ANK3: variants seen among roughly 807,000 people sequenced by gnomAD.
The protein encoded by ANK3 is ankyrin 3, also known as ankyrin-3.
Under a neutral mutation model 370.9 loss-of-function variants are expected in ANK3, and 57 were observed. The ratio of observed to expected loss-of-function variants is 0.15; its 90% CI spans 0.12 to 0.19. The LOEUF (loss-of-function observed/expected upper bound fraction) is 0.19. ANK3 is among the 10% of genes least tolerant of loss of function. The pLI, the probability that ANK3 is intolerant of heterozygous loss-of-function variation, is 1.00. For synonymous variants in ANK3, 1,929 were observed against 1,946.3 expected (o/e 0.99, Z 0.23); for missense variants, 4,439 against 5,302.1 (o/e 0.84, Z 5.06).
chr10:60,627,093 A>G (rs1172491527), intron 1 of ANK3, among the ~76,000 whole-genome samples: 2 of 152,208 alleles, frequency 1.3e-5, no homozygotes, highest in Non-Finnish European at 2.9e-5. Context: ...GTGAATAAAA[A>G]ATAGTAAAAG....
intron 20 of ANK3, 96 bp from the exon 21 acceptor site, chr10:60,172,499 T>C (rs1488897679): frequency 5.4e-6 from 5 of 922,848 alleles, no homozygotes; most frequent in Non-Finnish European, 8.6e-6. Flanking sequence ...ATCAGACCCA[T>C]CCCACTGTCA....
At chr10:60,550,683 T>G (rs1184198977) in intron 2 of ANK3, among the ~76,000 whole-genome samples, 1 of 152,100 alleles carries the variant, frequency 6.6e-6, no homozygotes, top group Non-Finnish European at 1.5e-5. Flanking sequence ...ACTTTACAAT[T>G]ATGCATCTGC....
At chr10:60,045,285 C>G (rs1046690800) in intron 42 of ANK3, among the ~76,000 whole-genome samples, 27 of 152,136 alleles carry the variant, frequency 1.8e-4, no homozygotes, top group African/African-American at 6.5e-4. Flanking sequence ...GATTTGTTAT[C>G]TAATTTTGGA....
intron 1 of ANK3, chr10:60,733,178 C>T: frequency 3.4e-6 from 4 of 1,188,694 alleles, no homozygotes; most frequent in Non-Finnish European, 4.2e-6. Context: ...CCTGGGGCCC[C>T]CCGGCCCGGG....
intron 42 of ANK3, chr10:60,044,920 T>C (rs914154373): frequency 1.3e-5 from 2 of 152,228 alleles, no homozygotes; most frequent in Non-Finnish European, 2.9e-5. Context: ...TTCATAGCTC[T>C]TAAGTGAGAA....
chr10:60,109,080 T>G, intron 26 of ANK3, 26 bp from the exon 27 acceptor site: 1 of 1,582,258 alleles, frequency 6.3e-7, no homozygotes, highest in East Asian at 2.2e-5. Flanking sequence ...CAGAGGCCAA[T>G]TCAAGGACGG....
At chr10:60,108,372 G>T (rs1453926696) in intron 27 of ANK3, 7 of 242,092 alleles carry the variant, frequency 2.9e-5, no homozygotes, top group African/African-American at 1.4e-4. Context: ...TGCCTGATTT[G>T]TACCCAAGTG....
At chr10:60,063,867 A>C (rs2081106969) in intron 39 of ANK3, among the ~76,000 whole-genome samples, 1 of 152,180 alleles carries the variant, frequency 6.6e-6, no homozygotes, top group Non-Finnish European at 1.5e-5. Flanking sequence ...TTAACAACTA[A>C]AATTATGTTT....
intron 1 of ANK3, among the ~76,000 whole-genome samples, chr10:60,701,288 A>G (rs2079542697): frequency 6.6e-6 from 1 of 152,180 alleles, no homozygotes; most frequent in Non-Finnish European, 1.5e-5. Flanking sequence ...TATGTGGTCG[A>G]GAATATAAAA....
intron 2 of ANK3, among the ~76,000 whole-genome samples, chr10:60,552,080 A>T (rs1216856573): frequency 6.6e-6 from 1 of 152,214 alleles, no homozygotes; most frequent in Non-Finnish European, 1.5e-5. Flanking sequence ...AAGCCTGCAC[A>T]CATGAGAGCA....
chr10:60,131,433 G>T (rs1170706284), intron 25 of ANK3, among the ~76,000 whole-genome samples: 1 of 152,154 alleles, frequency 6.6e-6, no homozygotes, highest in East Asian at 1.9e-4. Flanking sequence ...AGTTTATTTT[G>T]AAAGATTTTC....
chr10:60,403,614 G>A (rs547832003), intron 2 of ANK3, among the ~76,000 whole-genome samples: 4 of 152,214 alleles, frequency 2.6e-5, no homozygotes, highest in Admixed American at 6.5e-5. Context: ...TTGAGATGGA[G>A]TCTTGCTCTG....
At position 60,419,494 on chromosome 10, in the gene ANK3, A is replaced by G. The variant is rs59911731; in HGVS notation, c.97-139855T>C. On this transcript the variant is annotated intron_variant, in intron 2 of 43. Transcript: ENST00000373827. ...CACCTGGCCTCCTGGGCTGGCAGAA[A>G]AACTCCATGCACCACAGTTCTTAAG... 1.1e-3 allele frequency among the ~76,000 whole-genome samples: 161 copies of G among 152,250 alleles called. 1 individual carries two copies. The highest frequency in any genetic ancestry group is 3.9e-3 in the African/African-American group (160 of 41,552).
At chr10:60,367,267 A>T (rs1566877329) in intron 1 of ANK3, among the ~76,000 whole-genome samples, 1 of 152,226 alleles carries the variant, frequency 6.6e-6, no homozygotes, top group Non-Finnish European at 1.5e-5. Flanking sequence ...TGCTCCTAAA[A>T]GAGTTTGTTT....
At chr10:60,632,914 C>A (rs2078504314) in intron 1 of ANK3, among the ~76,000 whole-genome samples, 2 of 18,272 alleles carry the variant, frequency 1.1e-4, no homozygotes, top group Admixed American at 1.5e-3. Context: ...AAAAAAAAAA[C>A]CATACTTATT....
intron 1 of ANK3, among the ~76,000 whole-genome samples, chr10:60,643,939 A>G (rs2078672141): frequency 1.3e-5 from 2 of 152,178 alleles, no homozygotes; most frequent in African/African-American, 2.4e-5. Context: ...AGAAACATAA[A>G]TGTGACAGTG....
At chr10:60,685,661 G>A (rs1340491364) in intron 1 of ANK3, among the ~76,000 whole-genome samples, 1 of 152,164 alleles carries the variant, frequency 6.6e-6, no homozygotes, top group Admixed American at 6.5e-5. Flanking sequence ...ATTTGTAATT[G>A]AAAATGGGAA....
chr10:60,239,129 G>C (rs919079588), intron 7 of ANK3, among the ~76,000 whole-genome samples: 1 of 152,032 alleles, frequency 6.6e-6, no homozygotes, highest in Non-Finnish European at 1.5e-5. Flanking sequence ...GGAAAAGAAA[G>C]AACAGAGCCT....
In ANK3 at chr10:60,234,699, C is replaced by G; in HGVS notation, c.886G>C (p.Ala296Pro). ...AGTTGCACACTTACCCTGGTTTTGGCATCGATTTTAGCTCCTCGATCGAGC... is the reference window on the plus strand; with the variant it reads ...AGTTGCACACTTACCCTGGTTTTGGGATCGATTTTAGCTCCTCGATCGAGC... Reference protein sequence around the residue: ...LLLDRGAKIDAKTRDGLTPLH... With the variant: ...LLLDRGAKIDPKTRDGLTPLH... Residue 296 changes from alanine to proline, a missense_variant, in exon 8 of 44, where the codon GCC (alanine) becomes CCC (proline). Transcript: ENST00000280772. 1 of 1,611,694 alleles carries G rather than the reference C, an allele frequency of 6.2e-7. No homozygotes were observed. The highest frequency in any genetic ancestry group is 1.7e-4 in the Middle Eastern group (1 of 6,056).
Sources: allele counts gnomAD v4.1 joint callset (sites outside exome capture counted in the v4.1 genomes callset), GRCh38; gene constraint gnomAD v4.1.1; transcripts MANE v1.5; gene names NCBI Gene and HGNC (gene_info 2026-07-23, HGNC 2026-07-21).